The following LCP2 variants were observed in gnomAD, a reference collection of about 807,000 sequenced individuals.
LCP2 encodes 76 kDa tyrosine phosphoprotein.
A neutral mutation model predicts 74.5 loss-of-function variants in LCP2; 29 were observed. That is an observed-to-expected ratio of 0.39 (90% CI 0.29 to 0.53). LCP2 has a LOEUF of 0.53. LCP2 is among the 20% of genes least tolerant of loss of function. LCP2 has a pLI of 0.72. For synonymous variants in LCP2, 228 were observed against 229.5 expected, an observed-to-expected ratio of 0.99 and a Z score of 0.06; for missense variants, 604 against 634.6, an observed-to-expected ratio of 0.95 and a Z score of 0.52.
intron 20 of LCP2, among the ~76,000 whole-genome samples, 182 bp from the exon 21 acceptor site, chr5:170,249,001 C>T (rs1761363790): frequency 6.6e-6 from 1 of 152,152 alleles, no homozygotes; most frequent in Non-Finnish European, 1.5e-5. Flanking sequence ...AAAAATTCCT[C>T]ATAAACATCC....
chr5:170,291,782 A>G (rs1762300241), intron 2 of LCP2, among the ~76,000 whole-genome samples: 1 of 152,206 alleles, frequency 6.6e-6, no homozygotes, highest in Non-Finnish European at 1.5e-5. Flanking sequence ...CACCATCCTC[A>G]AAGATGTCTT....
chr5:170,293,292 G>T lies in LCP2; in HGVS notation c.141+18C>A. 6.2e-7 allele frequency: 1 copy of T among 1,603,032 alleles called. No individual in the cohort carries two copies. Among genetic ancestry groups the T allele is most frequent in the Non-Finnish European group, 8.5e-7 (1 of 1,174,312 alleles). On this transcript the variant is annotated intron_variant, in intron 2 of 20. Transcript: ENST00000046794. ...CGAACAGTCTTGGTTTCAGTGTGTT[G>T]GACTAGCCAGAGCTTACCAAGAAGC...
chr5:170,282,361 T>C (rs1296099888), intron 3 of LCP2, among the ~76,000 whole-genome samples: 1 of 152,184 alleles, frequency 6.6e-6, no homozygotes, highest in Non-Finnish European at 1.5e-5. Context: ...CGCCTGTAAG[T>C]ATCCAGGACA....
chr5:170,254,052 T>G (rs1267049180), intron 17 of LCP2, among the ~76,000 whole-genome samples: 1 of 152,218 alleles, frequency 6.6e-6, no homozygotes, highest in East Asian at 1.9e-4. Flanking sequence ...CATTCATACC[T>G]TCAACAAATA....
chr5:170,275,734 C>G, intron 4 of LCP2, 61 bp downstream of exon 4: 1 of 1,360,562 alleles, frequency 7.3e-7, no homozygotes, highest in Non-Finnish European at 1.0e-6. Flanking sequence ...TCTGTGCCTC[C>G]CTTTTAAGGT....
chr5:170,291,562 C>G (rs2113216183), intron 2 of LCP2, among the ~76,000 whole-genome samples: 1 of 152,324 alleles, frequency 6.6e-6, no homozygotes, highest in South Asian at 2.1e-4. Context: ...GCAGAGGAAA[C>G]ATAGCTGCCT....
chr5:170,253,319 G>A (rs753977891), intron 17 of LCP2, 106 bp from the exon 18 acceptor site: 21 of 715,540 alleles, frequency 2.9e-5, no homozygotes, highest in Middle Eastern at 2.6e-4. Context: ...ATACCCTTGC[G>A]ATTGGTCCTA....
chr5:170,291,002 G>A (rs1628280), intron 2 of LCP2, among the ~76,000 whole-genome samples: 16,516 of 68,258 alleles, frequency 0.24, 1,062 homozygotes, highest in African/African-American at 0.34. Flanking sequence ...GAAAGAAAGA[G>A]AGAAAGAAAG....
intron 20 of LCP2, among the ~76,000 whole-genome samples, chr5:170,249,578 A>G (rs981365912): frequency 7.2e-5 from 11 of 152,142 alleles, no homozygotes; most frequent in African/African-American, 2.7e-4. Flanking sequence ...TCAGGAGGTC[A>G]GACACGGTTC....
chr5:170,284,530 C>T (rs533748104), intron 3 of LCP2, among the ~76,000 whole-genome samples: 1 of 151,406 alleles, frequency 6.6e-6, no homozygotes, highest in South Asian at 2.1e-4. Context: ...TGTGATGTGC[C>T]TCAGAGCTAG....
At chr5:170,281,051 T>G (rs1434142625) in intron 3 of LCP2, among the ~76,000 whole-genome samples, 1 of 152,084 alleles carries the variant, frequency 6.6e-6, no homozygotes, top group Non-Finnish European at 1.5e-5. Context: ...GAGGGAGGCA[T>G]CTGTCTAAAG....
Position 170,275,827 on chromosome 5 carries a change from C to T in LCP2, c.222G>A (p.Lys74=). 1 of 1,579,654 alleles carries T rather than the reference C, an allele frequency of 6.3e-7. No individual in the cohort carries two copies. The highest frequency in any genetic ancestry group is 1.3e-5 in the African/African-American group (1 of 74,416). Reference sequence around the variant, plus strand: ...TGAAGATGCTCCTCCTCTCTTCGTTCTTGTTGATTTCCTGACTTAACTTAC... The same window carrying T: ...TGAAGATGCTCCTCCTCTCTTCGTTTTTGTTGATTTCCTGACTTAACTTAC... ...ILSKLSQEIN[K]NEERRSIFTR... The change falls in exon 4 of 21, where the codon AAG becomes AAA. Residue 74 remains lysine (K), a synonymous_variant. Transcript: ENST00000046794.
intron 13 of LCP2, among the ~76,000 whole-genome samples, chr5:170,261,872 A>T: frequency 6.6e-6 from 1 of 152,202 alleles, no homozygotes; most frequent in Non-Finnish European, 1.5e-5. Context: ...TTCTGTGTTT[A>T]TTTAAAATTT....
chr5:170,280,174 A>G (rs888588933), intron 3 of LCP2, among the ~76,000 whole-genome samples: 2 of 152,008 alleles, frequency 1.3e-5, no homozygotes, highest in Non-Finnish European at 2.9e-5. Flanking sequence ...ACTTCTGACC[A>G]AAGCCCTCCC....
chr5:170,293,224 G>A (rs1762319260), intron 2 of LCP2, 86 bp downstream of exon 2: 2 of 1,335,778 alleles, frequency 1.5e-6, no homozygotes, highest in South Asian at 2.5e-5. Context: ...TGTCCCCAGG[G>A]AAAGGGTAGG....
chr5:170,279,234 C>T (rs1257984848), intron 3 of LCP2, among the ~76,000 whole-genome samples: 1 of 152,160 alleles, frequency 6.6e-6, no homozygotes. Context: ...AAGCCAGGCC[C>T]GTGTAGGAAG....
intron 16 of LCP2, among the ~76,000 whole-genome samples, chr5:170,257,612 GA>G (rs1487907968): frequency 6.6e-6 from 1 of 152,088 alleles, no homozygotes; most frequent in Non-Finnish European, 1.5e-5. Flanking sequence ...AAAACAGGGG[GA>G]CAGAGACTGC....
At chr5:170,265,088 C>A (rs954569437) in intron 10 of LCP2, among the ~76,000 whole-genome samples, 3 of 149,158 alleles carry the variant, frequency 2.0e-5, no homozygotes, top group Non-Finnish European at 4.4e-5. Flanking sequence ...CCCAGGTTCA[C>A]GCCATTCTCC....
At position 170,273,920 on chromosome 5, in the gene LCP2, C is replaced by CG. The variant is rs3833445; in HGVS notation, c.324+380dup. ...TTCTAGGAGTGTCCATTTTTGGAGA[C>CG]GGGGGGGTAGTGGGTGGGGGTTGGT... On this transcript the variant is annotated intron_variant, in intron 6 of 20. Transcript: ENST00000046794. 377 of 86,090 alleles carry CG rather than the reference C, an allele frequency of 4.4e-3. 2 individuals are homozygous for CG. The highest frequency in any genetic ancestry group is 0.015 in the East Asian group (95 of 6,202). The allele number at this position is 86,090 out of a possible 1,614,324, so 5.3% of individuals were successfully genotyped here.
Sources: gnomAD v4.1 joint callset for allele counts (sites outside exome capture counted in the v4.1 genomes callset) on GRCh38, gnomAD v4.1.1 for gene constraint, MANE v1.5 for transcripts, NCBI Gene and HGNC (gene_info 2026-07-23, HGNC 2026-07-21) for gene names.